Variants in SPEF2 observed in about 807,000 individuals in gnomAD.
SPEF2 encodes sperm flagellar and cilia associated 2, also known as sperm flagella and cilia-associated protein 2.
SPEF2 carries 187 observed loss-of-function variants against 224.6 expected under a neutral mutation model. That is an observed-to-expected ratio of 0.83 (90% CI 0.74 to 0.94). The LOEUF (loss-of-function observed/expected upper bound fraction) is 0.94, where lower values mean the gene tolerates loss of function less well. SPEF2 is among the 40% of genes least tolerant of loss of function. The probability of loss-of-function intolerance (pLI) is 0.00; values close to 1 mark genes in which losing one functional copy is unlikely to be tolerated. For missense variants in SPEF2, 2,170 were observed against 2,135.6 expected, an observed-to-expected ratio of 1.02 and a Z score of -0.32; for synonymous variants, 715 against 707.3, an observed-to-expected ratio of 1.01 and a Z score of -0.17.
intron 18 of SPEF2, among the ~76,000 whole-genome samples, chr5:35,708,161 C>T (rs2149586312): frequency 6.6e-6 from 1 of 152,202 alleles, no homozygotes; most frequent in African/African-American, 2.4e-5. Context: ...CCTTCCTTTT[C>T]TTCAAGGCAT....
At position 35,700,685 on chromosome 5, in the gene SPEF2, A is replaced by C. The variant is rs748141333; in HGVS notation, c.2331A>C (p.Ala777=). ...AAGAAATACCTCTTCCCTCTCCTGC[A>C]TTTGATTTTGTCATATTATTAGATG... is the stretch of plus-strand genomic sequence containing the variant. ...TSKEIPLPSP[A]FDFVILLDVS... is the part of the protein sequence containing the mutation. The change falls in exon 16 of 37, where the codon GCA becomes GCC. Residue 777 remains alanine (A), a synonymous_variant. Transcript: ENST00000356031. 1 of 1,613,950 alleles carries C rather than the reference A, an allele frequency of 6.2e-7. No individual in the cohort carries two copies. Among genetic ancestry groups the C allele is most frequent in the Non-Finnish European group, 8.5e-7 (1 of 1,179,912 alleles).
intron 36 of SPEF2, among the ~76,000 whole-genome samples, chr5:35,812,999 T>C (rs1431070962): frequency 2.0e-5 from 3 of 152,232 alleles, no homozygotes; most frequent in Non-Finnish European, 4.4e-5. Flanking sequence ...TCACTGCTAC[T>C]GAAAATTGTG....
intron 26 of SPEF2, among the ~76,000 whole-genome samples, chr5:35,764,933 ATGCATGAATTATAAT>A (rs1751892847): frequency 6.6e-6 from 1 of 152,174 alleles, no homozygotes; most frequent in African/African-American, 2.4e-5. Flanking sequence ...CATAAGGAAA[ATGCATGAATTATAAT>A]TGCATGACTT....
chr5:35,643,369 G>A (rs1746873792), intron 3 of SPEF2: 1 of 390,998 alleles, frequency 2.6e-6, no homozygotes, highest in East Asian at 7.2e-5. Context: ...ATGGATTGCA[G>A]TGAGTTGAGA....
chr5:35,764,434 A>C (rs1751793313), intron 26 of SPEF2: 3 of 375,448 alleles, frequency 8.0e-6, no homozygotes, highest in Middle Eastern at 7.6e-4. Flanking sequence ...ATCAAAGGGA[A>C]AGGGGAGGCA....
At chr5:35,681,387 C>T (rs1752777847) in intron 10 of SPEF2, among the ~76,000 whole-genome samples, 1 of 152,128 alleles carries the variant, frequency 6.6e-6, no homozygotes, top group East Asian at 1.9e-4. Flanking sequence ...TATACTTTGA[C>T]TCTCTAACTC....
At chr5:35,689,509 T>C (rs1754139529) in intron 10 of SPEF2, among the ~76,000 whole-genome samples, 1 of 152,102 alleles carries the variant, frequency 6.6e-6, no homozygotes, top group Non-Finnish European at 1.5e-5. Flanking sequence ...ACTCTCCCCA[T>C]CTCCTCCCTC....
At chr5:35,807,930 C>A in intron 36 of SPEF2, 1 of 1,408,128 alleles carries the variant, frequency 7.1e-7, no homozygotes, top group South Asian at 1.6e-5. Context: ...GCACTACATC[C>A]CTCTCAGATA....
chr5:35,679,339 C>T (rs144614330), intron 10 of SPEF2, among the ~76,000 whole-genome samples: 3 of 152,096 alleles, frequency 2.0e-5, no homozygotes, highest in African/African-American at 7.2e-5. Flanking sequence ...GAGACAGAGG[C>T]GGGATCAAGC....
intron 34 of SPEF2, among the ~76,000 whole-genome samples, chr5:35,801,104 C>G (rs1757357672): frequency 6.6e-6 from 1 of 152,202 alleles, no homozygotes; most frequent in African/African-American, 2.4e-5. Flanking sequence ...AACAACTCTT[C>G]AAACCAGTGT....
At chr5:35,651,237 T>C (rs553717557) in intron 6 of SPEF2, among the ~76,000 whole-genome samples, 9 of 152,346 alleles carry the variant, frequency 5.9e-5, no homozygotes, top group African/African-American at 2.2e-4. Flanking sequence ...AGTCTTTAAC[T>C]GGACACACTG....
In SPEF2 at chr5:35,727,949, A is replaced by AT. The variant is rs936769036; in HGVS notation, c.3063+134dup. On this transcript the variant is annotated intron_variant, in intron 21 of 36. Coordinates refer to ENST00000356031, the MANE Select transcript of SPEF2 (RefSeq NM_024867.4). ...GGTAATATATATCTATCCATCTGAG[A>AT]TTTTTTTTAGAGACTACTCAATGAC... 8.3e-4 allele frequency: 847 copies of AT among 1,023,606 alleles called. 1 individual carries two copies. The highest frequency in any genetic ancestry group is 2.2e-3 in the Admixed American group (69 of 31,280). The allele number at this position is 1,023,606 out of a possible 1,614,324, so 63.4% of individuals were successfully genotyped here. A position where few individuals can be genotyped will look rare whatever the true frequency, so the allele number is the denominator to read the frequency against.
chr5:35,803,232 G>A (rs1357145715), intron 34 of SPEF2, among the ~76,000 whole-genome samples: 7 of 152,318 alleles, frequency 4.6e-5, no homozygotes, highest in South Asian at 4.1e-4. Context: ...GCTGAGATGA[G>A]CAGGAAAGGC....
intron 2 of SPEF2, among the ~76,000 whole-genome samples, chr5:35,633,898 G>GA (rs1355212114): frequency 6.6e-6 from 1 of 151,736 alleles, no homozygotes; most frequent in African/African-American, 2.4e-5. Context: ...AATTAGTAAA[G>GA]AAAAAAATTT....
chr5:35,773,548 G>T (rs2149787233), intron 27 of SPEF2, among the ~76,000 whole-genome samples: 1 of 152,200 alleles, frequency 6.6e-6, no homozygotes. Context: ...GTGTCTAATG[G>T]GGTCAGCACT....
rs536175274 is a variant in SPEF2, at chr5:35,652,827, A to T, written c.792-1713A>T. Among the ~76,000 whole-genome samples, 6 of 152,294 alleles carry T rather than the reference A, an allele frequency of 3.9e-5. No individual in the cohort carries two copies. In the South Asian group the frequency reaches 1.0e-3, roughly 26 times the overall value. On this transcript the variant is annotated intron_variant, in intron 6 of 36. Coordinates refer to ENST00000356031, the MANE Select transcript of SPEF2 (RefSeq NM_024867.4). ...GAGTTAACTATGTTTTTATCAGAGT[A>T]CTTGTGTCTATATAAGAATTGATGA... is the stretch of plus-strand genomic sequence containing the variant.
At chr5:35,805,593 T>G (rs1486367758) in intron 34 of SPEF2, among the ~76,000 whole-genome samples, 2 of 152,176 alleles carry the variant, frequency 1.3e-5, no homozygotes, top group Non-Finnish European at 1.5e-5. Context: ...CTTTCTTTCT[T>G]GGCAAATTAT....
At chr5:35,668,764 G>A (rs1292483288) in intron 9 of SPEF2, among the ~76,000 whole-genome samples, 3 of 151,958 alleles carry the variant, frequency 2.0e-5, no homozygotes, top group South Asian at 4.2e-4. Flanking sequence ...TACAGTAAAG[G>A]TCAGATAGCT....
chr5:35,690,088 TTTTTA>T (rs1754227410), intron 10 of SPEF2, among the ~76,000 whole-genome samples: 1 of 152,138 alleles, frequency 6.6e-6, no homozygotes, highest in Admixed American at 6.5e-5. Context: ...TTTTCCTTCT[TTTTTA>T]TTTTATTTTT....
Sources: gnomAD v4.1 joint callset for allele counts (sites outside exome capture counted in the v4.1 genomes callset) on GRCh38, gnomAD v4.1.1 for gene constraint, MANE v1.5 for transcripts, NCBI Gene and HGNC (gene_info 2026-07-23, HGNC 2026-07-21) for gene names.